Variants in TGM6 observed in about 807,000 individuals in gnomAD.
TGM6 encodes the protein transglutaminase 6.
A neutral mutation model predicts 77.5 loss-of-function variants in TGM6; 74 were observed. The ratio of observed to expected loss-of-function variants is 0.96; its 90% CI spans 0.79 to 1.16. TGM6 has a LOEUF of 1.16. TGM6 is among the 50% of genes most tolerant of loss of function. The probability of loss-of-function intolerance (pLI) is 0.00; values close to 1 mark genes in which losing one functional copy is unlikely to be tolerated. For synonymous variants in TGM6, 383 were observed against 378.9 expected, an observed-to-expected ratio of 1.01 and a Z score of -0.12; for missense variants, 968 against 940.2, an observed-to-expected ratio of 1.03 and a Z score of -0.39.
chr20:2,419,065 A>G (rs1460710733), intron 10 of TGM6, among the ~76,000 whole-genome samples: 1 of 152,180 alleles, frequency 6.6e-6, no homozygotes, highest in Non-Finnish European at 1.5e-5. Flanking sequence ...TGGATGATTT[A>G]TTAAATGTAT....
chr20:2,429,340 C>T (rs1320728973), intron 10 of TGM6, among the ~76,000 whole-genome samples: 1 of 151,772 alleles, frequency 6.6e-6, no homozygotes, highest in Non-Finnish European at 1.5e-5. Flanking sequence ...AACTCAGATG[C>T]CTTCAGAGTC....
In TGM6 at chr20:2,399,544, T is replaced by C. The variant is rs528125692; in HGVS notation, c.673-17T>C. ...GAAGCCCTGCCTGGTTGTGGACCCGTGCCCTCCTCTGCCCAGGTGAACAGC... is the reference window on the plus strand; with the variant it reads ...GAAGCCCTGCCTGGTTGTGGACCCGCGCCCTCCTCTGCCCAGGTGAACAGC... On this transcript the variant is annotated splice_polypyrimidine_tract_variant and intron_variant, in intron 5 of 12. Transcript: ENST00000202625. 5.0e-6 allele frequency: 8 copies of C among 1,612,264 alleles called. No homozygotes were observed. In the South Asian group the frequency reaches 8.8e-5, roughly 18 times the overall value.
At chr20:2,408,051 A>C (rs564685870) in intron 9 of TGM6, among the ~76,000 whole-genome samples, 1 of 152,306 alleles carries the variant, frequency 6.6e-6, no homozygotes, top group African/African-American at 2.4e-5. Flanking sequence ...TGCTGAAGGG[A>C]GTAAGATTTA....
Position 2,432,536 on chromosome 20 carries a change from A to G in TGM6, c.2014A>G (p.Ile672Val), listed in dbSNP as rs1165805374. ...PQERASVQFD[I>V]TPSKSGPRQL... ...GGAGAGGGCCTCAGTCCAGTTTGAC[A>G]TCACCCCCTCCAAAAGTGGCCCAAG... The change falls in exon 13 of 13, where the codon ATC (isoleucine) becomes GTC (valine). Residue 672 changes from isoleucine (I) to valine (V), a missense_variant. Ile to Val is a conservative substitution (Grantham distance 29). Coordinates refer to ENST00000202625, the MANE Select transcript of TGM6 (RefSeq NM_198994.3). 1 of 1,614,028 alleles carries G rather than the reference A, an allele frequency of 6.2e-7. No individual in the cohort carries two copies. The highest frequency in any genetic ancestry group is 8.5e-7 in the Non-Finnish European group (1 of 1,179,988).
intron 9 of TGM6, among the ~76,000 whole-genome samples, chr20:2,408,829 C>T (rs2084767967): frequency 6.6e-6 from 1 of 152,104 alleles, no homozygotes; most frequent in Non-Finnish European, 1.5e-5. Context: ...AAGGAGCTGA[C>T]ATTCTAGTGG....
chr20:2,392,425 C>T (rs1264474347), intron 1 of TGM6, among the ~76,000 whole-genome samples: 1 of 152,204 alleles, frequency 6.6e-6, no homozygotes, highest in African/African-American at 2.4e-5. Context: ...CCATCCTTCT[C>T]CCTGATAGCA....
At chr20:2,420,071 C>A (rs1001072348) in intron 10 of TGM6, among the ~76,000 whole-genome samples, 2 of 152,060 alleles carry the variant, frequency 1.3e-5, no homozygotes, top group African/African-American at 4.8e-5. Flanking sequence ...AGTGAAACCC[C>A]ATCTCTACTA....
Position 2,400,435 on chromosome 20 carries a change from ACAG to A in TGM6, c.983_985del (p.Ser328del). ...CGGACCCTGGAGGACCTGACAGAAGACAGCATGTGGTGGGTCCTGCCCCCAGCC... is the reference window on the plus strand; with the variant it reads ...CGGACCCTGGAGGACCTGACAGAAGACATGTGGTGGGTCCTGCCCCCAGCC... On this transcript the variant is annotated inframe_deletion, in exon 7 of 13. Coordinates refer to ENST00000202625, the MANE Select transcript of TGM6 (RefSeq NM_198994.3). The A allele has an allele frequency of 6.2e-7, 1 of 1,614,166 alleles. No individual in the cohort carries two copies. Among genetic ancestry groups the A allele is most frequent in the Non-Finnish European group, 8.5e-7 (1 of 1,180,034 alleles).
intron 9 of TGM6, among the ~76,000 whole-genome samples, chr20:2,414,904 T>G (rs973402406): frequency 1.0e-5 from 1 of 99,092 alleles, no homozygotes; most frequent in Non-Finnish European, 1.9e-5. Context: ...TGGGGAGGAA[T>G]GGGAAGTGAC....
chr20:2,384,384 C>T (rs2084579477), intron 1 of TGM6, among the ~76,000 whole-genome samples: 6 of 152,144 alleles, frequency 3.9e-5, no homozygotes, highest in Admixed American at 3.9e-4. Flanking sequence ...AAATCGGATC[C>T]TCAGATCCAG....
chr20:2,426,826 T>G (rs1051684229), intron 10 of TGM6, among the ~76,000 whole-genome samples: 2 of 152,210 alleles, frequency 1.3e-5, no homozygotes, highest in African/African-American at 4.8e-5. Context: ...CCTTTAATAT[T>G]GACCCAGCCT....
chr20:2,404,727 G>A (rs866369126), intron 9 of TGM6, among the ~76,000 whole-genome samples: 5 of 151,296 alleles, frequency 3.3e-5, no homozygotes, highest in African/African-American at 9.7e-5. Flanking sequence ...TGCAACCTCC[G>A]CCTCCTGGGT....
intron 10 of TGM6, among the ~76,000 whole-genome samples, chr20:2,425,743 A>C (rs1568671183): frequency 6.6e-6 from 1 of 152,086 alleles, no homozygotes; most frequent in East Asian, 1.9e-4. Context: ...ATATATTAGT[A>C]ATACATATTT....
At chr20:2,414,179 C>G (rs2084800728) in intron 9 of TGM6, among the ~76,000 whole-genome samples, 2 of 152,054 alleles carry the variant, frequency 1.3e-5, no homozygotes, top group African/African-American at 4.8e-5. Flanking sequence ...CAAGACCAGC[C>G]TGGGCAACAT....
At chr20:2,389,787 G>T (rs1029045503) in intron 1 of TGM6, among the ~76,000 whole-genome samples, 4 of 152,108 alleles carry the variant, frequency 2.6e-5, no homozygotes, top group Non-Finnish European at 5.9e-5. Context: ...AGTGAATCAA[G>T]ACAAAAACAA....
intron 1 of TGM6, among the ~76,000 whole-genome samples, chr20:2,381,718 A>G (rs552567037): frequency 4.6e-5 from 7 of 152,254 alleles, no homozygotes; most frequent in African/African-American, 1.7e-4. Flanking sequence ...GGAGTTTGAG[A>G]CCAGCCTGGG....
intron 12 of TGM6, 87 bp from the exon 13 acceptor site, chr20:2,432,403 G>C: frequency 6.5e-7 from 1 of 1,538,376 alleles, no homozygotes; most frequent in Non-Finnish European, 9.0e-7. Context: ...TTGATCCTGA[G>C]GAGCCTGGGG....
intron 10 of TGM6, among the ~76,000 whole-genome samples, chr20:2,423,405 T>C (rs1475878827): frequency 6.6e-6 from 1 of 152,124 alleles, no homozygotes; most frequent in Non-Finnish European, 1.5e-5. Context: ...TTCAACAACG[T>C]TTAGAGCATC....
rs756806929 is a variant in TGM6 at position 2,395,456 on chromosome 20, A to G, written c.424+20A>G. 23 of 1,614,062 alleles carry G rather than the reference A, an allele frequency of 1.4e-5. No homozygotes were observed. Among genetic ancestry groups the G allele is most frequent in the African/African-American group, 1.3e-4 (10 of 74,886 alleles). ...GTGCAGGTAGGAGTGGCCAAGTCCAATGCAGAGGTTTTTCCAAAAGACATC... is the reference window on the plus strand; with the variant it reads ...GTGCAGGTAGGAGTGGCCAAGTCCAGTGCAGAGGTTTTTCCAAAAGACATC... On this transcript the variant is annotated intron_variant, in intron 3 of 12. Coordinates refer to ENST00000202625, the MANE Select transcript of TGM6 (RefSeq NM_198994.3).
Sources: allele counts gnomAD v4.1 joint callset (sites outside exome capture counted in the v4.1 genomes callset), GRCh38; gene constraint gnomAD v4.1.1; transcripts MANE v1.5; gene names NCBI Gene and HGNC (gene_info 2026-07-23, HGNC 2026-07-21).